FAM174B: variants seen among roughly 807,000 people sequenced by gnomAD.
FAM174B encodes the protein membrane protein FAM174B.
FAM174B carries 12 observed loss-of-function variants against 10.9 expected under a neutral mutation model. The ratio of observed to expected loss-of-function variants is 1.10; its 90% confidence interval spans 0.71 to 1.79. FAM174B has a LOEUF of 1.79. Among genes scored for constraint, FAM174B ranks in the 40% most tolerant of loss-of-function variants. The pLI, the probability that FAM174B is intolerant of heterozygous loss-of-function variation, is 0.00. For synonymous variants in FAM174B, 132 were observed against 115.8 expected (o/e 1.14, Z -0.90); for missense variants, 266 against 233.3 (o/e 1.14, Z -0.91).
chr15:92,651,439 C>T (rs373078019), intron 1 of FAM174B, among the ~76,000 whole-genome samples: 2 of 152,130 alleles, frequency 1.3e-5, no homozygotes, highest in African/African-American at 2.4e-5. Flanking sequence ...AGAAACATAT[C>T]GTGAATAATA....
At chr15:92,626,742 T>C (rs2050755544) in intron 2 of FAM174B, among the ~76,000 whole-genome samples, 1 of 152,104 alleles carries the variant, frequency 6.6e-6, no homozygotes. Context: ...GAGCTAACAC[T>C]ATTCCTGTAT....
At chr15:92,631,134 TTAC>T (rs1420101205) in intron 1 of FAM174B, among the ~76,000 whole-genome samples, 19 of 41,526 alleles carry the variant, frequency 4.6e-4, no homozygotes, top group Admixed American at 1.5e-3. Flanking sequence ...ATATTACGTA[TTAC>T]ATATTACATA....
intron 1 of FAM174B, among the ~76,000 whole-genome samples, chr15:92,639,561 GGAACTGTGTCCCCAACCAAATCTCATGTT>G (rs1269772323): frequency 1.3e-5 from 2 of 152,156 alleles, no homozygotes; most frequent in Non-Finnish European, 2.9e-5. Context: ...GATAAGGTTT[GGAACTGTGTCCCCAACCAAATCTCATGTT>G]GAACTGTAAT....
intron 1 of FAM174B, among the ~76,000 whole-genome samples, chr15:92,647,810 G>A (rs928147333): frequency 1.3e-5 from 2 of 152,178 alleles, no homozygotes; most frequent in African/African-American, 4.8e-5. Context: ...CTTCATTAAT[G>A]CAGCTAGGCC....
In FAM174B at chr15:92,649,503, G is replaced by A. The variant is rs1163119811; in HGVS notation, c.344+5813C>T. 4.6e-5 allele frequency among the ~76,000 whole-genome samples: 7 copies of A among 152,306 alleles called. No homozygotes were observed. In the South Asian group the frequency reaches 6.2e-4, roughly 14 times the overall value. On this transcript the variant is annotated intron_variant, in intron 1 of 2. Transcript: ENST00000327355. ...GTAAATTACATCTGTTTTCAGAATC[G>A]TATTTTTCAATATAATAGGACACTT...
At chr15:92,647,379 T>C (rs1241904659) in intron 1 of FAM174B, among the ~76,000 whole-genome samples, 1 of 152,184 alleles carries the variant, frequency 6.6e-6, no homozygotes, top group Non-Finnish European at 1.5e-5. Flanking sequence ...ATGGCTCCCC[T>C]GTGGGATTGG....
chr15:92,653,614 A>G (rs1199778205), intron 1 of FAM174B, among the ~76,000 whole-genome samples: 1 of 152,266 alleles, frequency 6.6e-6, no homozygotes, highest in African/African-American at 2.4e-5. Flanking sequence ...TGCAGAAGCC[A>G]GCATGGCATG....
At chr15:92,642,453 T>C (rs1228357092) in intron 1 of FAM174B, among the ~76,000 whole-genome samples, 1 of 152,208 alleles carries the variant, frequency 6.6e-6, no homozygotes, top group Non-Finnish European at 1.5e-5. Context: ...CCAAAGCTCA[T>C]CTTGAATTGT....
At chr15:92,637,782 C>A (rs947959228) in intron 1 of FAM174B, among the ~76,000 whole-genome samples, 1 of 152,212 alleles carries the variant, frequency 6.6e-6, no homozygotes, top group South Asian at 2.1e-4. Context: ...AGAGACTACA[C>A]GGCTGTGATG....
intron 1 of FAM174B, 152 bp downstream of exon 1, chr15:92,655,164 C>T (rs984644964): frequency 1.8e-6 from 2 of 1,132,998 alleles, no homozygotes; most frequent in South Asian, 2.3e-5. Context: ...CCCGGCCCCC[C>T]ACCCACTCTC....
intron 1 of FAM174B, among the ~76,000 whole-genome samples, chr15:92,631,400 T>TTATATATATTA (rs1555421158): frequency 3.2e-5 from 1 of 31,460 alleles, no homozygotes; most frequent in South Asian, 6.6e-4. Context: ...ATATATTATA[T>TTATATATATTA]TATATTATAT....
intron 1 of FAM174B, among the ~76,000 whole-genome samples, chr15:92,642,229 C>T (rs995086007): frequency 4.6e-5 from 7 of 152,126 alleles, no homozygotes; most frequent in African/African-American, 1.4e-4. Context: ...TAAACTAGTA[C>T]AGCAATTTGG....
chr15:92,619,461 T>C lies in FAM174B; in HGVS notation c.477-2A>G, dbSNP rs199600075. On this transcript the variant is annotated splice_acceptor_variant, in intron 2 of 2. Coordinates refer to ENST00000327355, the MANE Select transcript of FAM174B (RefSeq NM_207446.3). LOFTEE classifies it high-confidence loss of function. ...ACCAGGCTGGGAAACAGGTTTTACCTAAAAGAAAGGGAAGGACAAGAGTAA... is the reference window on the plus strand; with the variant it reads ...ACCAGGCTGGGAAACAGGTTTTACCCAAAAGAAAGGGAAGGACAAGAGTAA... 152 of 1,613,694 alleles carry C rather than the reference T, an allele frequency of 9.4e-5. No individual in the cohort carries two copies. The African/African-American group carries it at 1.9e-3, about 20-fold the overall frequency.
At chr15:92,633,184 T>C (rs2050830803) in intron 1 of FAM174B, among the ~76,000 whole-genome samples, 1 of 152,168 alleles carries the variant, frequency 6.6e-6, no homozygotes, top group Non-Finnish European at 1.5e-5. Flanking sequence ...GACCATACGC[T>C]ATTCCCGAGT....
At chr15:92,635,566 C>A (rs1265227891) in intron 1 of FAM174B, among the ~76,000 whole-genome samples, 3 of 149,766 alleles carry the variant, frequency 2.0e-5, no homozygotes, top group African/African-American at 7.4e-5. Flanking sequence ...AGGAAATCTT[C>A]ACATATTTCT....
In FAM174B at chr15:92,655,720, C is replaced by T; in HGVS notation, c.-61G>A. 1 of 1,204,562 alleles carries T rather than the reference C, an allele frequency of 8.3e-7. No individual in the cohort carries two copies. Among genetic ancestry groups the T allele is most frequent in the Non-Finnish European group, 1.0e-6 (1 of 966,744 alleles). The allele number at this position is 1,204,562 out of a possible 1,614,324, so 74.6% of individuals were successfully genotyped here. On this transcript the variant is annotated 5_prime_UTR_variant, in exon 1 of 3. The change creates a new upstream start codon in the 5' untranslated region. Transcript: ENST00000327355. Reference sequence around the variant, plus strand: ...GCGCGGCTGAGCTCCAGGATCCGCACCAGCACGGAGGCCTGCACCGGGGGA... The same window carrying T: ...GCGCGGCTGAGCTCCAGGATCCGCATCAGCACGGAGGCCTGCACCGGGGGA...
rs527836294 is a variant in FAM174B, at chr15:92,654,198, T to C, written c.344+1118A>G. ...CTGACAGCAAAGCTCAATACATAGA[T>C]GGCTCCTAACTCTGCCTTTTCCTGG... On this transcript the variant is annotated intron_variant, in intron 1 of 2. Coordinates refer to ENST00000327355, the MANE Select transcript of FAM174B (RefSeq NM_207446.3). Among the ~76,000 whole-genome samples the C allele has an allele frequency of 2.0e-5, 3 of 152,304 alleles. No homozygotes were observed. The South Asian group carries it at 6.2e-4, about 32-fold the overall frequency.
chr15:92,642,880 T>C (rs1350144516), intron 1 of FAM174B, among the ~76,000 whole-genome samples: 1 of 152,134 alleles, frequency 6.6e-6, no homozygotes, highest in Non-Finnish European at 1.5e-5. Context: ...ATGCCACACA[T>C]AGATGAACCC....
Position 92,655,766 on chromosome 15 carries a change from C to A in FAM174B, c.-107G>T. The A allele has an allele frequency of 2.0e-6, 2 of 1,022,458 alleles. No homozygotes were observed. The highest frequency in any genetic ancestry group is 4.9e-5 in the South Asian group (1 of 20,456). 63.3% of individuals were successfully genotyped at this position (1,022,458 alleles called of 1,614,324 possible). A position where few individuals can be genotyped will look rare whatever the true frequency, so the allele number is the denominator to read the frequency against. ...GGGGATCCTGCGGCGGAGGCGGCTGCGCGGTGCTTGGCAGGAAGCTGCGGC... is the reference window on the plus strand; with the variant it reads ...GGGGATCCTGCGGCGGAGGCGGCTGAGCGGTGCTTGGCAGGAAGCTGCGGC... On this transcript the variant is annotated 5_prime_UTR_variant, in exon 1 of 3. Transcript: ENST00000327355.
Sources: allele counts gnomAD v4.1 joint callset (sites outside exome capture counted in the v4.1 genomes callset), GRCh38; gene constraint gnomAD v4.1.1; transcripts MANE v1.5; gene names NCBI Gene and HGNC (gene_info 2026-07-23, HGNC 2026-07-21).